The following ANKRD26 variants were observed in gnomAD, a reference collection of about 807,000 sequenced individuals.
ANKRD26 encodes the protein ankyrin repeat domain 26.
A neutral mutation model predicts 208.7 loss-of-function variants in ANKRD26; 141 were observed. The ratio of observed to expected loss-of-function variants is 0.68; its 90% CI spans 0.59 to 0.78. ANKRD26 has a LOEUF of 0.78. ANKRD26 is among the 30% of genes least tolerant of loss of function. ANKRD26 has a pLI of 0.00. For synonymous variants in ANKRD26, 636 were observed against 660.4 expected, an observed-to-expected ratio of 0.96 and a Z score of 0.57; for missense variants, 1,889 against 1,938.7, an observed-to-expected ratio of 0.97 and a Z score of 0.48.
chr10:26,997,315 G>T (rs2052614668), intron 4 of ANKRD26, among the ~76,000 whole-genome samples: 1 of 152,108 alleles, frequency 6.6e-6, no homozygotes, highest in Non-Finnish European at 1.5e-5. Flanking sequence ...AAACAAGGTG[G>T]GATTTATAAC....
chr10:27,005,216 A>C lies in ANKRD26; in HGVS notation c.*374T>G, dbSNP rs144522802. The C allele has an allele frequency of 1.0e-6, 1 of 1,000,800 alleles. No homozygotes were observed. The highest frequency in any genetic ancestry group is 1.7e-5 in the African/African-American group (1 of 57,494). The allele number at this position is 1,000,800 out of a possible 1,614,324, so 62.0% of individuals were successfully genotyped here. A position where few individuals can be genotyped will look rare whatever the true frequency, so the allele number is the denominator to read the frequency against. ...ACATCCAAACATGAACAATGACCAC[A>C]GTTCCTGCACAACAAAATGATGTCT... is the stretch of plus-strand genomic sequence containing the variant. On this transcript the variant is annotated 3_prime_UTR_variant, in exon 34 of 34. Transcript: ENST00000376087.
chr10:27,038,070 T>C lies in ANKRD26; in HGVS notation c.2376-16A>G, dbSNP rs7096505. The C allele has an allele frequency of 0.82, 1,307,754 of 1,594,244 alleles. 538,203 individuals carry two copies. Among genetic ancestry groups the C allele is most frequent in the East Asian group, 0.99 (43,949 of 44,604 alleles). On this transcript the variant is annotated splice_polypyrimidine_tract_variant and intron_variant, in intron 21 of 33. Coordinates refer to ENST00000376087, the MANE Select transcript of ANKRD26 (RefSeq NM_014915.3). The stretch of plus-strand genomic sequence containing the variant: ...TAAGCTAAATCTGCAGTTAAATATG[T>C]TTATCTTAAAATCTGTATTGTTACA...
intron 9 of ANKRD26, among the ~76,000 whole-genome samples, chr10:27,076,484 C>T (rs768803874): frequency 3.3e-5 from 5 of 151,982 alleles, no homozygotes; most frequent in South Asian, 2.1e-4. Context: ...AGGCTGGTCT[C>T]GAACTCCTGA....
chr10:27,070,659 T>C (rs994619559), intron 9 of ANKRD26, among the ~76,000 whole-genome samples: 1 of 151,930 alleles, frequency 6.6e-6, no homozygotes, highest in African/African-American at 2.4e-5. Context: ...TAAAAAATCA[T>C]CTTCTAGAGA....
At chr10:27,065,735 A>AAC (rs1554788553) in intron 11 of ANKRD26, among the ~76,000 whole-genome samples, 3 of 149,994 alleles carry the variant, frequency 2.0e-5, no homozygotes, top group East Asian at 3.9e-4. Flanking sequence ...CAAAAAACAA[A>AAC]AAAAAAAAAC....
At chr10:27,045,591 C>T (rs1049493370) in intron 18 of ANKRD26, among the ~76,000 whole-genome samples, 2 of 152,144 alleles carry the variant, frequency 1.3e-5, no homozygotes, top group African/African-American at 4.8e-5. Flanking sequence ...TCCTCCCCTT[C>T]TCCCCAGAAT....
chr10:27,080,816 C>T (rs1264773311), intron 6 of ANKRD26: 10 of 985,376 alleles, frequency 1.0e-5, no homozygotes, highest in Non-Finnish European at 1.2e-5. Flanking sequence ...GCCAGCAGCA[C>T]AGGCATGTTA....
chr10:26,968,952 T>C (rs7894087), downstream of ANKRD26, among the ~76,000 whole-genome samples: 11,589 of 152,198 alleles, frequency 0.076, 1,034 homozygotes, highest in African/African-American at 0.22. Context: ...GTACCTGCCC[T>C]GGATCCGAAG....
At chr10:27,032,434 A>C (rs1368363352) in intron 25 of ANKRD26, among the ~76,000 whole-genome samples, 5 of 152,162 alleles carry the variant, frequency 3.3e-5, no homozygotes, top group African/African-American at 2.4e-5. Context: ...TAGGAGTTTG[A>C]GACCAGCCTG....
At chr10:26,996,677 T>A (rs1043581977) in intron 4 of ANKRD26, among the ~76,000 whole-genome samples, 5 of 152,182 alleles carry the variant, frequency 3.3e-5, no homozygotes, top group Non-Finnish European at 7.3e-5. Flanking sequence ...ATTCCATCTA[T>A]GTCTTACTGT....
chr10:27,081,985 C>T (rs1181078063), intron 6 of ANKRD26, among the ~76,000 whole-genome samples: 2 of 150,286 alleles, frequency 1.3e-5, no homozygotes, highest in Non-Finnish European at 3.0e-5. Context: ...ATATGCCCAC[C>T]TTGGCCTCCC....
chr10:27,065,736 A>AC (rs2055214730), intron 11 of ANKRD26, among the ~76,000 whole-genome samples: 2 of 149,936 alleles, frequency 1.3e-5, no homozygotes, highest in South Asian at 4.2e-4. Flanking sequence ...AAAAAACAAA[A>AC]AAAAAAAACA....
chr10:27,066,636 C>A, intron 10 of ANKRD26, 88 bp from the exon 11 acceptor site: 1 of 792,244 alleles, frequency 1.3e-6, no homozygotes, highest in South Asian at 2.2e-5. Flanking sequence ...ACAAGTCTAT[C>A]TCCATTCATG....
At chr10:26,970,557 T>C (rs924753007), downstream of ANKRD26, among the ~76,000 whole-genome samples, 10 of 152,182 alleles carry the variant, frequency 6.6e-5, no homozygotes, top group Non-Finnish European at 1.3e-4. Context: ...CAGAAGCCAA[T>C]GCTACTATAC....
intron 7 of ANKRD26, among the ~76,000 whole-genome samples, chr10:27,078,832 T>C (rs547370999): frequency 7.2e-5 from 11 of 151,838 alleles, no homozygotes; most frequent in Non-Finnish European, 1.6e-4. Flanking sequence ...CCTGTCACTA[T>C]GTATTTTCCA....
At chr10:27,087,416 C>T (rs959561401) in intron 4 of ANKRD26, among the ~76,000 whole-genome samples, 2 of 152,036 alleles carry the variant, frequency 1.3e-5, no homozygotes, top group African/African-American at 4.8e-5. Context: ...TTTTGGAATC[C>T]CAAATAAAAC....
chr10:27,068,747 A>C (rs2135508850), intron 9 of ANKRD26, among the ~76,000 whole-genome samples: 1 of 152,266 alleles, frequency 6.6e-6, no homozygotes, highest in Middle Eastern at 3.4e-3. Flanking sequence ...CCCTGGCAGC[A>C]ATGTAAACAT....
chr10:27,097,900 T>A (rs995871254), intron 1 of ANKRD26, among the ~76,000 whole-genome samples: 1 of 152,134 alleles, frequency 6.6e-6, no homozygotes, highest in African/African-American at 2.4e-5. Flanking sequence ...TGATCCACCC[T>A]CCTCAGCCTC....
the ANKRD26 span, among the ~76,000 whole-genome samples, chr10:26,965,212 C>T: frequency 7.5e-3 from 1,143 of 152,240 alleles, 11 homozygotes; most frequent in African/African-American, 0.025. Context: ...GGAGGCATCA[C>T]GCTACCTGAC....
Sources: gnomAD v4.1 joint callset for allele counts (sites outside exome capture counted in the v4.1 genomes callset) on GRCh38, gnomAD v4.1.1 for gene constraint, MANE v1.5 for transcripts, NCBI Gene and HGNC (gene_info 2026-07-23, HGNC 2026-07-21) for gene names.